CA13: variants seen among roughly 807,000 people sequenced by gnomAD.
CA13 encodes carbonic anhydrase 13.
Under a neutral mutation model 31.5 loss-of-function variants are expected in CA13, and 21 were observed. The observed-to-expected ratio is 0.67, with a 90% CI of 0.47 to 0.96. The LOEUF is 0.96. CA13 is among the 40% of genes least tolerant of loss of function. The pLI is 0.00. For synonymous variants in CA13, 117 were observed against 111.4 expected, an observed-to-expected ratio of 1.05 and a Z score of -0.32; for missense variants, 315 against 318.9, an observed-to-expected ratio of 0.99 and a Z score of 0.09.
intron 6 of CA13, among the ~76,000 whole-genome samples, chr8:85,277,223 T>C (rs1259184252): frequency 6.6e-6 from 1 of 152,138 alleles, no homozygotes; most frequent in Non-Finnish European, 1.5e-5. Flanking sequence ...GCTCACTCTT[T>C]GGGTCCACAC....
intron 3 of CA13, among the ~76,000 whole-genome samples, chr8:85,261,729 G>GTATA (rs149281480): frequency 8.0e-5 from 12 of 150,476 alleles, no homozygotes; most frequent in African/African-American, 2.2e-4. Context: ...CCCGGCCAGT[G>GTATA]TATATATATA....
In CA13 at chr8:85,245,668, G is replaced by A. The variant is rs1046112099; in HGVS notation, c.-161G>A. 5.4e-6 allele frequency: 4 copies of A among 746,354 alleles called. No homozygotes were observed. In the African/African-American group the frequency reaches 7.1e-5, roughly 13 times the overall value. 46.2% of individuals were successfully genotyped at this position (746,354 alleles called of 1,614,324 possible). A position where few individuals can be genotyped will look rare whatever the true frequency, so the allele number is the denominator to read the frequency against. On this transcript the variant is annotated 5_prime_UTR_variant, in exon 1 of 7. Transcript: ENST00000321764. ...CCCCGCACGCCTCTGCCGTCTGGAG[G>A]ACGCAGGCGGGAGCGCCCCGGACCG...
intron 4 of CA13, chr8:85,267,462 A>G: frequency 4.0e-6 from 1 of 250,200 alleles, no homozygotes; most frequent in Non-Finnish European, 6.3e-6. Flanking sequence ...TGGGACCTCA[A>G]ATCATTTTAG....
At chr8:85,251,988 T>G (rs1386328954) in intron 2 of CA13, among the ~76,000 whole-genome samples, 1 of 152,216 alleles carries the variant, frequency 6.6e-6, no homozygotes, top group Non-Finnish European at 1.5e-5. Flanking sequence ...CCGGGTGTGG[T>G]GGCTCACATG....
intron 6 of CA13, among the ~76,000 whole-genome samples, chr8:85,273,703 T>C (rs1807560725): frequency 6.6e-6 from 1 of 151,922 alleles, no homozygotes; most frequent in African/African-American, 2.4e-5. Flanking sequence ...TACAGAGGAC[T>C]GTAAAACCCC....
chr8:85,267,515 C>T (rs565954677), intron 4 of CA13, among the ~76,000 whole-genome samples: 1 of 152,188 alleles, frequency 6.6e-6, no homozygotes, highest in Non-Finnish European at 1.5e-5. Flanking sequence ...TTGATGCCAC[C>T]ATTGTCCGTT....
intron 6 of CA13, among the ~76,000 whole-genome samples, chr8:85,269,316 G>A (rs1243282254): frequency 2.0e-5 from 3 of 152,106 alleles, no homozygotes; most frequent in Non-Finnish European, 4.4e-5. Context: ...GCCAGGTGTG[G>A]TGTGCATGCC....
intron 1 of CA13, chr8:85,246,607 CAT>C (rs1414951783): frequency 2.3e-6 from 1 of 429,432 alleles, no homozygotes; most frequent in Non-Finnish European, 4.7e-6. Flanking sequence ...ATAATAATGA[CAT>C]ACACTTTTCT....
At chr8:85,253,559 T>A (rs1446623915) in intron 2 of CA13, among the ~76,000 whole-genome samples, 2 of 152,214 alleles carry the variant, frequency 1.3e-5, no homozygotes, top group Non-Finnish European at 2.9e-5. Context: ...GCCTAAGTAG[T>A]ACATTTTCAT....
intron 2 of CA13, among the ~76,000 whole-genome samples, chr8:85,254,501 C>T (rs1807254777): frequency 6.6e-6 from 1 of 152,000 alleles, no homozygotes; most frequent in Admixed American, 6.6e-5. Flanking sequence ...TCAGTGAAAT[C>T]AATTTATGTT....
Position 85,282,827 on chromosome 8 carries a change from G to C in CA13, c.*1478G>C, listed in dbSNP as rs2130026992. 6.6e-6 allele frequency: 1 copy of C among 152,172 alleles called. No homozygotes were observed. Among genetic ancestry groups the C allele is most frequent in the Non-Finnish European group, 1.5e-5 (1 of 68,008 alleles). The allele number at this position is 152,172 out of a possible 1,614,324, so 9.4% of individuals were successfully genotyped here. The stretch of plus-strand genomic sequence containing the variant: ...AATCACATTTAAGACTTGAACACAT[G>C]CTACCCTTTTGTCATCTTCTGACAT... On this transcript the variant is annotated 3_prime_UTR_variant, in exon 7 of 7. Transcript: ENST00000321764.
Position 85,281,508 on chromosome 8 carries a change from C to T in CA13, c.*159C>T. The T allele has an allele frequency of 2.2e-6, 3 of 1,366,858 alleles. No homozygotes were observed. The highest frequency in any genetic ancestry group is 2.8e-6 in the Non-Finnish European group (3 of 1,054,326). The allele number at this position is 1,366,858 out of a possible 1,614,324, so 84.7% of individuals were successfully genotyped here. A position where few individuals can be genotyped will look rare whatever the true frequency, so the allele number is the denominator to read the frequency against. On this transcript the variant is annotated 3_prime_UTR_variant, in exon 7 of 7. Transcript: ENST00000321764. ...GTCACAAAGAAAACCAGATCTCTCT[C>T]TCTTTTTTTTTTATTTTTTTTAGTG... is the stretch of plus-strand genomic sequence containing the variant.
chr8:85,261,718 G>C (rs192586704), intron 3 of CA13, among the ~76,000 whole-genome samples: 3 of 152,068 alleles, frequency 2.0e-5, no homozygotes, highest in Non-Finnish European at 4.4e-5. Context: ...GAGCCACCGC[G>C]CCCGGCCAGT....
At chr8:85,261,520 G>C (rs1807379671) in intron 3 of CA13, among the ~76,000 whole-genome samples, 1 of 151,982 alleles carries the variant, frequency 6.6e-6, no homozygotes, top group Non-Finnish European at 1.5e-5. Flanking sequence ...TCTGCCTCCT[G>C]GGTTCAAGTG....
At chr8:85,247,456 T>A (rs1206687056) in intron 1 of CA13, among the ~76,000 whole-genome samples, 1 of 152,224 alleles carries the variant, frequency 6.6e-6, no homozygotes, top group Non-Finnish European at 1.5e-5. Context: ...TCCTTTCTTT[T>A]AGATGCGATC....
intron 2 of CA13, among the ~76,000 whole-genome samples, chr8:85,258,451 A>G (rs921195746): frequency 6.6e-6 from 1 of 152,140 alleles, no homozygotes; most frequent in African/African-American, 2.4e-5. Context: ...TTCCCCAAGA[A>G]TATAGAATTT....
At chr8:85,265,661 G>A (rs1203222334) in intron 3 of CA13, among the ~76,000 whole-genome samples, 1 of 151,840 alleles carries the variant, frequency 6.6e-6, no homozygotes, top group Non-Finnish European at 1.5e-5. Flanking sequence ...CATATTCATA[G>A]AACGTGGTAA....
At chr8:85,273,858 G>A (rs372506716) in intron 6 of CA13, among the ~76,000 whole-genome samples, 28 of 152,064 alleles carry the variant, frequency 1.8e-4, no homozygotes, top group African/African-American at 6.3e-4. Context: ...TTTAACGAGT[G>A]CCTGGGTGCA....
chr8:85,271,879 G>A (rs1807531610), intron 6 of CA13, among the ~76,000 whole-genome samples: 1 of 152,058 alleles, frequency 6.6e-6, no homozygotes, highest in Non-Finnish European at 1.5e-5. Context: ...GACCAGCCTG[G>A]TCAACATGGT....
Sources: allele counts gnomAD v4.1 joint callset (sites outside exome capture counted in the v4.1 genomes callset), GRCh38; gene constraint gnomAD v4.1.1; transcripts MANE v1.5; gene names NCBI Gene and HGNC (gene_info 2026-07-23, HGNC 2026-07-21).